The following COL22A1 variants were observed in gnomAD, a reference collection of about 807,000 sequenced individuals.
The protein encoded by COL22A1 is collagen type XXII alpha 1 chain.
A neutral mutation model predicts 248.9 loss-of-function variants in COL22A1; 221 were observed. The ratio of observed to expected loss-of-function variants is 0.89; its 90% confidence interval spans 0.80 to 0.99. The LOEUF (loss-of-function observed/expected upper bound fraction) is 0.99. Ranked by LOEUF, COL22A1 falls within the 50% of genes least tolerant of loss-of-function variation. The pLI is 0.00. For synonymous variants in COL22A1, 891 were observed against 793.4 expected, an observed-to-expected ratio of 1.12 and a Z score of -2.07; for missense variants, 2,240 against 2,179.0, an observed-to-expected ratio of 1.03 and a Z score of -0.56.
chr8:138,793,598 G>A (rs1816250741), intron 12 of COL22A1, among the ~76,000 whole-genome samples: 1 of 152,228 alleles, frequency 6.6e-6, no homozygotes, highest in African/African-American at 2.4e-5. Flanking sequence ...ACAGCCAGAA[G>A]TGCCAGCGTC....
intron 32 of COL22A1, among the ~76,000 whole-genome samples, chr8:138,697,368 G>C (rs142644241): frequency 1.5e-3 from 233 of 152,318 alleles, no homozygotes; most frequent in African/African-American, 5.0e-3. Context: ...CGGTTGGACA[G>C]AGCCTTCCTA....
intron 4 of COL22A1, among the ~76,000 whole-genome samples, chr8:138,838,670 CAA>C (rs58257635): frequency 4.5e-5 from 6 of 133,798 alleles, no homozygotes; most frequent in Non-Finnish European, 6.4e-5. Flanking sequence ...CAAAGGGCAC[CAA>C]AAAAAAAAAA....
intron 3 of COL22A1, among the ~76,000 whole-genome samples, chr8:138,873,157 C>T (rs996807482): frequency 6.6e-6 from 1 of 152,156 alleles, no homozygotes; most frequent in Admixed American, 6.5e-5. Flanking sequence ...CTGGACAGGC[C>T]ACTCAGCCCC....
chr8:138,812,096 T>C (rs1818287285), intron 8 of COL22A1, among the ~76,000 whole-genome samples, 175 bp from the exon 9 acceptor site: 1 of 152,208 alleles, frequency 6.6e-6, no homozygotes, highest in Non-Finnish European at 1.5e-5. Context: ...GGCTCAGCCA[T>C]TTCACTGGCT....
intron 56 of COL22A1, among the ~76,000 whole-genome samples, chr8:138,609,702 C>G (rs1363413844): frequency 6.6e-6 from 1 of 152,210 alleles, no homozygotes; most frequent in Non-Finnish European, 1.5e-5. Context: ...TCTAATCTTC[C>G]CTTCGCAGGG....
chr8:138,869,483 A>G (rs1208801286), intron 3 of COL22A1, among the ~76,000 whole-genome samples: 1 of 152,174 alleles, frequency 6.6e-6, no homozygotes, highest in African/African-American at 2.4e-5. Flanking sequence ...TGGGTCGTAC[A>G]GTTTTAGGCA....
chr8:138,807,051 G>A (rs191501011), intron 10 of COL22A1, among the ~76,000 whole-genome samples: 2 of 152,140 alleles, frequency 1.3e-5, no homozygotes, highest in Non-Finnish European at 2.9e-5. Context: ...GGAGAAATAG[G>A]GGGGAGAACA....
intron 27 of COL22A1, 27 bp downstream of exon 27, chr8:138,720,712 A>G (rs764216149): frequency 6.3e-7 from 1 of 1,594,036 alleles, no homozygotes. Context: ...TAGCAAGCAT[A>G]ATGGGAAAAA....
intron 47 of COL22A1, among the ~76,000 whole-genome samples, chr8:138,640,603 G>A (rs905410204): frequency 1.1e-4 from 17 of 152,130 alleles, no homozygotes; most frequent in African/African-American, 4.1e-4. Context: ...CTTGTTCCAT[G>A]GTGTTAGTTT....
intron 3 of COL22A1, among the ~76,000 whole-genome samples, chr8:138,859,453 C>T (rs932414797): frequency 6.6e-6 from 1 of 152,216 alleles, no homozygotes; most frequent in Non-Finnish European, 1.5e-5. Context: ...TGGAGGTGGG[C>T]TCCTGGAATG....
At chr8:138,595,934 C>G (rs150080231) in intron 62 of COL22A1, among the ~76,000 whole-genome samples, 44 of 152,328 alleles carry the variant, frequency 2.9e-4, no homozygotes, top group Middle Eastern at 3.4e-3. Flanking sequence ...GGCTGTTGTT[C>G]AAGAGAGCTT....
intron 12 of COL22A1, among the ~76,000 whole-genome samples, chr8:138,791,209 A>T (rs12544238): frequency 0.31 from 47,361 of 152,128 alleles, 8,223 homozygotes; most frequent in African/African-American, 0.46. Context: ...ACTGGATTAG[A>T]AGCACCCCTA....
intron 54 of COL22A1, 63 bp downstream of exon 54, chr8:138,616,851 T>C: frequency 6.3e-7 from 1 of 1,587,024 alleles, no homozygotes; most frequent in East Asian, 2.2e-5. Context: ...GCAAGTATCT[T>C]CTGTCTGGGA....
chr8:138,630,517 G>C (rs947704289), intron 50 of COL22A1, among the ~76,000 whole-genome samples, 178 bp downstream of exon 50: 3 of 152,100 alleles, frequency 2.0e-5, no homozygotes, highest in Admixed American at 6.6e-5. Flanking sequence ...AAGTAAACAG[G>C]GGTCCAACAG....
intron 25 of COL22A1, among the ~76,000 whole-genome samples, chr8:138,724,163 C>A (rs1830117528): frequency 1.3e-5 from 2 of 152,168 alleles, no homozygotes; most frequent in Admixed American, 1.3e-4. Context: ...TTTCTAAGCT[C>A]CACCTGCCCC....
At position 138,821,410 on chromosome 8, in the gene COL22A1, A is replaced by ACT. The variant is rs1819118348; in HGVS notation, c.970_971insAG (p.Val324GlufsTer21). 1 of 1,611,046 alleles carries ACT rather than the reference A, an allele frequency of 6.2e-7. No homozygotes were observed. Among genetic ancestry groups the ACT allele is most frequent in the African/African-American group, 1.3e-5 (1 of 74,790 alleles). On this transcript the variant is annotated frameshift_variant and splice_region_variant, in exon 7 of 65. Coordinates refer to ENST00000303045, the MANE Select transcript of COL22A1 (RefSeq NM_152888.3). LOFTEE classifies it high-confidence loss of function. Reference sequence around the variant, plus strand: ...GTTTTCACCATCCAGCCGGATGGAGACCTGGGGAGGAAAGGACCAGAGACT... The same window carrying ACT: ...GTTTTCACCATCCAGCCGGATGGAGACTCCTGGGGAGGAAAGGACCAGAGACT...
chr8:138,910,949 G>T (rs1815409109), intron 1 of COL22A1, among the ~76,000 whole-genome samples: 1 of 152,188 alleles, frequency 6.6e-6, no homozygotes, highest in Non-Finnish European at 1.5e-5. Flanking sequence ...AACATCATAA[G>T]CACCTTCGAA....
chr8:138,677,155 G>A (rs1246250572), intron 40 of COL22A1, among the ~76,000 whole-genome samples: 1 of 152,242 alleles, frequency 6.6e-6, no homozygotes, highest in Non-Finnish European at 1.5e-5. Context: ...TTCAAGCATA[G>A]TTAACAGTGT....
At chr8:138,602,476 T>C (rs993772233) in intron 59 of COL22A1, among the ~76,000 whole-genome samples, 2 of 152,170 alleles carry the variant, frequency 1.3e-5, no homozygotes, top group African/African-American at 4.8e-5. Context: ...CCTGCACGAA[T>C]TGTTGTCTTC....
Sources: allele counts gnomAD v4.1 joint callset (sites outside exome capture counted in the v4.1 genomes callset), GRCh38; gene constraint gnomAD v4.1.1; transcripts MANE v1.5; gene names NCBI Gene and HGNC (gene_info 2026-07-23, HGNC 2026-07-21).